Variants in NOS2 observed in about 807,000 individuals in gnomAD.
NOS2 encodes nitric oxide synthase, inducible.
Under a neutral mutation model 136.0 loss-of-function variants are expected in NOS2, and 96 were observed. The observed-to-expected ratio is 0.71, with a 90% CI of 0.60 to 0.84. The LOEUF (loss-of-function observed/expected upper bound fraction) is 0.84, where lower values mean the gene tolerates loss of function less well. Among genes scored for constraint, NOS2 ranks in the 40% least tolerant of loss-of-function variants. The pLI, the probability that NOS2 is intolerant of heterozygous loss-of-function variation, is 0.00. For synonymous variants in NOS2, 539 were observed against 587.5 expected (o/e 0.92, Z 1.20); for missense variants, 1,237 against 1,496.9 (o/e 0.83, Z 2.87).
intron 11 of NOS2, among the ~76,000 whole-genome samples, chr17:27,775,817 A>C (rs1462906988): frequency 1.3e-5 from 2 of 152,204 alleles, no homozygotes; most frequent in Non-Finnish European, 2.9e-5. Context: ...GAGGTTGTTG[A>C]AAGGATGCAA....
chr17:27,757,432 A>G (rs1907964606), intron 26 of NOS2, 79 bp from the exon 27 acceptor site: 7 of 1,093,418 alleles, frequency 6.4e-6, no homozygotes, highest in South Asian at 2.7e-5. Flanking sequence ...TCCCTATCAC[A>G]TGGACCTTCA....
intron 2 of NOS2, among the ~76,000 whole-genome samples, chr17:27,793,172 G>A (rs1420025913): frequency 1.4e-5 from 2 of 146,818 alleles, no homozygotes; most frequent in African/African-American, 5.0e-5. Flanking sequence ...CTTACACCAA[G>A]AGTGGTGGTG....
At chr17:27,777,903 A>C (rs1908709654) in intron 11 of NOS2, among the ~76,000 whole-genome samples, 1 of 152,030 alleles carries the variant, frequency 6.6e-6, no homozygotes, top group African/African-American at 2.4e-5. Flanking sequence ...AAATTAGGCA[A>C]GCGTGGTATG....
In NOS2 at chr17:27,781,044, A is replaced by G. The variant is rs757314560; in HGVS notation, c.856T>C (p.Phe286Leu). 6.2e-7 allele frequency: 1 copy of G among 1,613,474 alleles called. No individual in the cohort carries two copies. The highest frequency in any genetic ancestry group is 2.2e-5 in the East Asian group (1 of 44,866). The stretch of plus-strand genomic sequence containing the variant: ...GAGGCTGGGCCGGGTACCTGAGTGA[A>G]TTCCACGTTGGCAGGGTCCCCTCTG... ...SIRGDPANVE[F>L]TQLCIDLGWK... The change falls in exon 8 of 27, where the codon TTC (phenylalanine) becomes CTC (leucine). Residue 286 changes from phenylalanine (F) to leucine (L), a missense_variant. Physicochemically the swap from Phe to Leu is conservative, Grantham distance 22. Coordinates refer to ENST00000313735, the MANE Select transcript of NOS2 (RefSeq NM_000625.4).
chr17:27,795,800 A>T (rs1485129250), intron 2 of NOS2, among the ~76,000 whole-genome samples: 1 of 152,096 alleles, frequency 6.6e-6, no homozygotes, highest in Non-Finnish European at 1.5e-5. Context: ...ATCTGACTGG[A>T]TCCTTTCCGC....
intron 11 of NOS2, among the ~76,000 whole-genome samples, chr17:27,776,799 T>G (rs571438030): frequency 4.6e-5 from 7 of 152,258 alleles, no homozygotes; most frequent in Non-Finnish European, 7.4e-5. Context: ...GCTAAACATT[T>G]TGCATGCATT....
At chr17:27,780,534 C>T (rs1425747981) in intron 9 of NOS2, among the ~76,000 whole-genome samples, 2 of 152,214 alleles carry the variant, frequency 1.3e-5, no homozygotes, top group Non-Finnish European at 2.9e-5. Context: ...CCGCCTAAGC[C>T]TCTGCTTCCC....
chr17:27,757,077 T>C lies in NOS2; in HGVS notation c.*169A>G. ...TCCGATCAATCCAGGGTGCTACTTG[T>C]TAGGAGGTCAAGTAAAGGGCTTGAT... On this transcript the variant is annotated 3_prime_UTR_variant, in exon 27 of 27. Transcript: ENST00000313735. The C allele has an allele frequency of 1.8e-6, 1 of 570,074 alleles. No homozygotes were observed. Among genetic ancestry groups the C allele is most frequent in the East Asian group, 3.0e-5 (1 of 32,860 alleles). 35.3% of individuals were successfully genotyped at this position (570,074 alleles called of 1,614,324 possible). A position where few individuals can be genotyped will look rare whatever the true frequency, so the allele number is the denominator to read the frequency against.
chr17:27,772,539 G>A, intron 13 of NOS2, 87 bp from the exon 14 acceptor site: 1 of 1,493,642 alleles, frequency 6.7e-7, no homozygotes, highest in Non-Finnish European at 9.2e-7. Context: ...GGAGGGGACA[G>A]CGTTTAATGT....
Position 27,757,305 on chromosome 17 carries a change from C to T in NOS2, c.3403G>A (p.Glu1135Lys), listed in dbSNP as rs1378739633. Reference protein sequence around the residue: ...EDIFGAVFPYEAKKDRVAVQP... With the variant: ...EDIFGAVFPYKAKKDRVAVQP... ...ACCGCCACCCTGTCCTTCTTCGCCT[C>T]GTAAGGAAATACAGCACCAAAGATA... Residue 1135 changes from glutamate (E) to lysine (K), a missense_variant, in exon 27 of 27, where the codon GAG becomes AAG. Around this residue, in one of 3 missense-constraint regions of NOS2, gnomAD observed 782 missense variants for 909.9 expected, o/e 0.86. Coordinates refer to ENST00000313735, the MANE Select transcript of NOS2 (RefSeq NM_000625.4). 2 of 1,614,162 alleles carry T rather than the reference C, an allele frequency of 1.2e-6. No individual in the cohort carries two copies. The highest frequency in any genetic ancestry group is 1.3e-5 in the African/African-American group (1 of 75,050).
In NOS2 at chr17:27,774,315, G is replaced by A. The variant is rs201786442; in HGVS notation, c.1418C>T (p.Thr473Ile). 6.3e-7 allele frequency: 1 copy of A among 1,575,622 alleles called. No individual in the cohort carries two copies. Among genetic ancestry groups the A allele is most frequent in the East Asian group, 2.4e-5 (1 of 42,478 alleles). Residue 473 changes from threonine to isoleucine, a missense_variant, in exon 12 of 27, where the codon ACC becomes ATC. Transcript: ENST00000313735. ...CAGCATCTCCTGGTGAAACACGGGG[G>A]TGATGCTCCCAGACATGGGAGGGAC... ...WLVPPMSGSI[T>I]PVFHQEMLNY... is the part of the protein sequence containing the mutation.
At chr17:27,781,006 A>G (rs201212924) in intron 8 of NOS2, 30 bp downstream of exon 8, 255 of 1,607,928 alleles carry the variant, frequency 1.6e-4, no homozygotes, top group Middle Eastern at 3.3e-4. Flanking sequence ...CCCCGCCCCA[A>G]TGGCCGGTGG....
intron 2 of NOS2, among the ~76,000 whole-genome samples, chr17:27,797,792 G>T (rs1189769361): frequency 6.6e-6 from 1 of 152,194 alleles, no homozygotes; most frequent in Non-Finnish European, 1.5e-5. Flanking sequence ...TCTTGGTTCT[G>T]CCCTGGGAGG....
At chr17:27,783,575 G>A (rs1210647343) in intron 5 of NOS2, among the ~76,000 whole-genome samples, 2 of 152,180 alleles carry the variant, frequency 1.3e-5, no homozygotes, top group African/African-American at 2.4e-5. Flanking sequence ...ACTGAGAGAT[G>A]AGCCAGTCCC....
At chr17:27,786,999 G>T (rs1204984947) in intron 5 of NOS2, among the ~76,000 whole-genome samples, 1 of 152,180 alleles carries the variant, frequency 6.6e-6, no homozygotes, top group African/African-American at 2.4e-5. Flanking sequence ...AGAAATGAAG[G>T]ATGTCTAGCA....
rs535108188 is a variant in NOS2 at position 27,773,348 on chromosome 17, G to A, written c.1477-105C>T. 2.9e-4 allele frequency: 227 copies of A among 781,372 alleles called. 3 individuals carry two copies. The South Asian group carries it at 3.5e-3, about 12-fold the overall frequency. 48.4% of individuals were successfully genotyped at this position (781,372 alleles called of 1,614,324 possible). A position where few individuals can be genotyped will look rare whatever the true frequency, so the allele number is the denominator to read the frequency against. On this transcript the variant is annotated intron_variant, in intron 12 of 26. Transcript: ENST00000313735. ...CCCTTCACACCCATCATGAGCCTGG[G>A]AGAGAAGGCTGGCCTGCGCCCCACC...
At chr17:27,763,135 TG>T in intron 21 of NOS2, 130 bp from the exon 22 acceptor site, 2 of 667,364 alleles carry the variant, frequency 3.0e-6, no homozygotes, top group Non-Finnish European at 5.1e-6. Flanking sequence ...GCACTGTCCA[TG>T]GTGCTGAGAC....
intron 15 of NOS2, among the ~76,000 whole-genome samples, chr17:27,770,518 A>T (rs1908457972): frequency 2.0e-5 from 3 of 152,148 alleles, no homozygotes; most frequent in South Asian, 4.1e-4. Context: ...ACAAACAAAC[A>T]CCAAAAACCA....
At chr17:27,759,267 TAG>T (rs1398849262) in intron 25 of NOS2, among the ~76,000 whole-genome samples, 192 bp from the exon 26 acceptor site, 4 of 152,116 alleles carry the variant, frequency 2.6e-5, no homozygotes, top group Non-Finnish European at 4.4e-5. Flanking sequence ...CGGCTGGGAT[TAG>T]AGAGATAAAT....
Sources: gnomAD v4.1 joint callset for allele counts (sites outside exome capture counted in the v4.1 genomes callset) on GRCh38, gnomAD v4.1.1 for gene constraint, gnomAD v4.1.1 regional missense constraint, MANE v1.5 for transcripts, NCBI Gene and HGNC (gene_info 2026-07-23, HGNC 2026-07-21) for gene names.